Variants in CNTNAP4 observed in about 807,000 individuals in gnomAD.
CNTNAP4 encodes the protein contactin-associated protein-like 4.
In CNTNAP4, 98 loss-of-function variants were observed where a neutral mutation model predicts 148.4. The ratio of observed to expected loss-of-function variants is 0.66; its 90% CI spans 0.56 to 0.78. The LOEUF is 0.78. CNTNAP4 is among the 30% of genes least tolerant of loss of function. The pLI, the probability that CNTNAP4 is intolerant of heterozygous loss-of-function variation, is 0.00. For synonymous variants in CNTNAP4, 730 were observed against 565.1 expected, an observed-to-expected ratio of 1.29 and a Z score of -4.14; for missense variants, 1,935 against 1,565.6, an observed-to-expected ratio of 1.24 and a Z score of -3.98.
intron 12 of CNTNAP4, among the ~76,000 whole-genome samples, chr16:76,484,018 A>C (rs2081934335): frequency 6.6e-6 from 1 of 151,870 alleles, no homozygotes; most frequent in African/African-American, 2.4e-5. Flanking sequence ...ATTTTATTGA[A>C]TATATTATTT....
chr16:76,560,244 T>G lies in CNTNAP4; in HGVS notation c.*1561T>G, dbSNP rs559467914. 6.6e-6 allele frequency among the ~76,000 whole-genome samples: 1 copy of G among 152,188 alleles called. No individual in the cohort carries two copies. ...CAGAAGAATCGGGAAATATGTAAATTTAGCATTACTATCATCTTATTTTCT... is the reference window on the plus strand; with the variant it reads ...CAGAAGAATCGGGAAATATGTAAATGTAGCATTACTATCATCTTATTTTCT... On this transcript the variant is annotated 3_prime_UTR_variant, in exon 24 of 24. Coordinates refer to ENST00000611870, the MANE Select transcript of CNTNAP4 (RefSeq NM_033401.5).
chr16:76,358,482 C>G (rs74026731), intron 3 of CNTNAP4, among the ~76,000 whole-genome samples: 3,801 of 152,190 alleles, frequency 0.025, 147 homozygotes, highest in African/African-American at 0.083. Flanking sequence ...TCATTGTAAG[C>G]TGAATTTGTC....
chr16:76,431,949 T>C (rs1013930148), intron 4 of CNTNAP4, among the ~76,000 whole-genome samples: 8 of 152,116 alleles, frequency 5.3e-5, no homozygotes, highest in African/African-American at 1.4e-4. Flanking sequence ...GCCTTTGATA[T>C]ATGGAAGATT....
At chr16:76,539,950 A>G (rs972894179) in intron 20 of CNTNAP4, 98 bp downstream of exon 20, 19 of 836,220 alleles carry the variant, frequency 2.3e-5, no homozygotes, top group Non-Finnish European at 3.5e-5. Context: ...AAGCAGAGAC[A>G]CTTTCATTGG....
chr16:76,368,079 G>T (rs916418099), intron 3 of CNTNAP4, among the ~76,000 whole-genome samples: 2 of 152,152 alleles, frequency 1.3e-5, no homozygotes, highest in South Asian at 2.1e-4. Flanking sequence ...ACATTGGGTT[G>T]CTCAGTAATC....
At chr16:76,483,666 A>G (rs997897698) in intron 12 of CNTNAP4, among the ~76,000 whole-genome samples, 1 of 152,222 alleles carries the variant, frequency 6.6e-6, no homozygotes, top group Non-Finnish European at 1.5e-5. Context: ...AATGAGTAGC[A>G]CAAAAATGCA....
At chr16:76,514,987 A>G (rs1270109372) in intron 15 of CNTNAP4, among the ~76,000 whole-genome samples, 3 of 152,196 alleles carry the variant, frequency 2.0e-5, no homozygotes, top group East Asian at 3.9e-4. Context: ...TTGGAATTTT[A>G]TATGCATATA....
chr16:76,412,325 C>G (rs2078828808), intron 3 of CNTNAP4, among the ~76,000 whole-genome samples: 1 of 151,302 alleles, frequency 6.6e-6, no homozygotes, highest in Admixed American at 6.6e-5. Flanking sequence ...ATGTCTTTTG[C>G]TAGCTGGAAA....
At chr16:76,280,887 T>C (rs1958660930) in intron 1 of CNTNAP4, among the ~76,000 whole-genome samples, 1 of 152,108 alleles carries the variant, frequency 6.6e-6, no homozygotes, top group Non-Finnish European at 1.5e-5. Flanking sequence ...AAAGAAGGAA[T>C]GGGTACAGTA....
At chr16:76,314,402 G>T (rs2144069592) in intron 1 of CNTNAP4, among the ~76,000 whole-genome samples, 1 of 152,300 alleles carries the variant, frequency 6.6e-6, no homozygotes, top group South Asian at 2.1e-4. Context: ...ATTCACGAAA[G>T]TAGGAGGAAT....
intron 2 of CNTNAP4, among the ~76,000 whole-genome samples, chr16:76,349,444 A>G (rs961594763): frequency 2.6e-5 from 4 of 152,160 alleles, no homozygotes; most frequent in African/African-American, 9.7e-5. Flanking sequence ...CTTCCAGCTG[A>G]AACAAACAAC....
intron 2 of CNTNAP4, among the ~76,000 whole-genome samples, chr16:76,327,914 G>C (rs998512029): frequency 7.9e-6 from 1 of 127,244 alleles, no homozygotes; most frequent in Non-Finnish European, 1.7e-5. Flanking sequence ...TTGGCCTTCC[G>C]TCATTGTTTC....
intron 1 of CNTNAP4, among the ~76,000 whole-genome samples, chr16:76,293,115 C>G (rs1305248830): frequency 6.6e-6 from 1 of 151,892 alleles, no homozygotes; most frequent in Non-Finnish European, 1.5e-5. Flanking sequence ...CTTAATATTT[C>G]TTTTTTCTTT....
At chr16:76,498,859 T>C (rs926460465) in intron 15 of CNTNAP4, among the ~76,000 whole-genome samples, 165 bp downstream of exon 15, 3 of 152,116 alleles carry the variant, frequency 2.0e-5, no homozygotes, top group Admixed American at 2.0e-4. Context: ...AGTAGTCAAA[T>C]TCATAGACAG....
At position 76,505,689 on chromosome 16, in the gene CNTNAP4, AAAAC is replaced by A. The variant is rs2082815765; in HGVS notation, c.2365+6999_2365+7002del. Among the ~76,000 whole-genome samples the A allele has an allele frequency of 4.1e-5, 4 of 97,930 alleles. 1 individual carries two copies. The highest frequency in any genetic ancestry group is 3.0e-4 in the Admixed American group (3 of 10,048). The allele number at this position is 97,930 out of a possible 152,430, so 64.2% of individuals were successfully genotyped here. ...TGTCTTATTCAACACATCTGACTGA[AAAAC>A]AAAACAAAAACGTTAATAACAGTTT... is the stretch of plus-strand genomic sequence containing the variant. On this transcript the variant is annotated intron_variant, in intron 15 of 23. Coordinates refer to ENST00000611870, the MANE Select transcript of CNTNAP4 (RefSeq NM_033401.5).
chr16:76,374,710 A>G (rs2015224646), intron 3 of CNTNAP4, among the ~76,000 whole-genome samples: 1 of 150,864 alleles, frequency 6.6e-6, no homozygotes, highest in Admixed American at 6.6e-5. Flanking sequence ...TAATCCATCT[A>G]AGTTGAATAA....
intron 1 of CNTNAP4, among the ~76,000 whole-genome samples, chr16:76,295,829 A>G (rs1426095939): frequency 6.6e-6 from 1 of 152,014 alleles, no homozygotes; most frequent in Non-Finnish European, 1.5e-5. Flanking sequence ...TTATTTATTT[A>G]TTTTTTGAAA....
chr16:76,545,686 A>G (rs1158080720), intron 21 of CNTNAP4, among the ~76,000 whole-genome samples: 1 of 152,202 alleles, frequency 6.6e-6, no homozygotes. Flanking sequence ...ATAAAACAAG[A>G]ATTTCAAAAA....
intron 3 of CNTNAP4, among the ~76,000 whole-genome samples, chr16:76,386,199 A>G (rs766934239): frequency 3.3e-5 from 5 of 152,220 alleles, no homozygotes; most frequent in Non-Finnish European, 5.9e-5. Context: ...ATCTATGAAT[A>G]ATGAGAAAGA....
Sources: allele counts gnomAD v4.1 joint callset (sites outside exome capture counted in the v4.1 genomes callset), GRCh38; gene constraint gnomAD v4.1.1; transcripts MANE v1.5; gene names NCBI Gene and HGNC (gene_info 2026-07-23, HGNC 2026-07-21).